SLC24A2: variants seen among roughly 807,000 people sequenced by gnomAD.
SLC24A2 encodes solute carrier family 24 member 2.
A neutral mutation model predicts 62.0 loss-of-function variants in SLC24A2; 36 were observed. The ratio of observed to expected loss-of-function variants is 0.58; its 90% CI spans 0.44 to 0.77. The LOEUF (loss-of-function observed/expected upper bound fraction) is 0.77, where lower values mean the gene tolerates loss of function less well. Among genes scored for constraint, SLC24A2 ranks in the 30% least tolerant of loss-of-function variants. The pLI, the probability that SLC24A2 is intolerant of heterozygous loss-of-function variation, is 0.00. For synonymous variants in SLC24A2, 358 were observed against 294.0 expected (o/e 1.22, Z -2.23); for missense variants, 846 against 817.9 (o/e 1.03, Z -0.42).
chr9:19,904,801 G>A, the SLC24A2 span, among the ~76,000 whole-genome samples: 1 of 152,134 alleles, frequency 6.6e-6, no homozygotes, highest in African/African-American at 2.4e-5. Flanking sequence ...TTGCACAGTA[G>A]GAGATGCAGC....
At chr9:20,007,879 CTTTTTTTTTTTTTTTTTTTT>C in the SLC24A2 span, among the ~76,000 whole-genome samples, 14 of 39,540 alleles carry the variant, frequency 3.5e-4, no homozygotes, top group East Asian at 7.4e-4. Flanking sequence ...TTACTCCTCT[CTTTTTTTTTTTTTTTTTTTT>C]TTTTTTTTTT....
intron 8 of SLC24A2, among the ~76,000 whole-genome samples, chr9:19,530,964 C>G (rs2132669338): frequency 6.6e-6 from 1 of 152,090 alleles, no homozygotes; most frequent in East Asian, 1.9e-4. Context: ...AAAAACAGGG[C>G]CAATAATGCT....
chr9:19,962,696 T>C, the SLC24A2 span, among the ~76,000 whole-genome samples: 1 of 152,242 alleles, frequency 6.6e-6, no homozygotes, highest in Non-Finnish European at 1.5e-5. Context: ...TTGTGATTTT[T>C]GTACATTGAT....
chr9:19,559,622 G>A (rs1835291462), intron 7 of SLC24A2, among the ~76,000 whole-genome samples: 2 of 152,134 alleles, frequency 1.3e-5, no homozygotes, highest in African/African-American at 4.8e-5. Flanking sequence ...TTGAAACAGG[G>A]AAACGCTCTG....
the SLC24A2 span, among the ~76,000 whole-genome samples, chr9:19,991,444 C>G: frequency 6.6e-6 from 1 of 152,174 alleles, no homozygotes; most frequent in Non-Finnish European, 1.5e-5. Flanking sequence ...CTGCCTCTCC[C>G]AGTCCACTGA....
chr9:19,834,111 C>A, the SLC24A2 span, among the ~76,000 whole-genome samples: 21 of 152,060 alleles, frequency 1.4e-4, no homozygotes, highest in African/African-American at 4.8e-4. Context: ...GTAGATAAAA[C>A]CACAAAGATA....
At chr9:19,967,590 A>G in the SLC24A2 span, 4 of 152,236 alleles carry the variant, frequency 2.6e-5, no homozygotes, top group African/African-American at 9.7e-5. Context: ...CCAGTTCTTT[A>G]TATCAAGCCC....
At chr9:19,906,641 G>A in the SLC24A2 span, among the ~76,000 whole-genome samples, 2 of 152,048 alleles carry the variant, frequency 1.3e-5, no homozygotes, top group South Asian at 2.1e-4. Context: ...AATGATAAAG[G>A]GGATATCACC....
At chr9:20,219,990 C>T in the SLC24A2 span, among the ~76,000 whole-genome samples, 75 of 152,198 alleles carry the variant, frequency 4.9e-4, no homozygotes, top group Admixed American at 9.2e-4. Flanking sequence ...AATGAGGTGG[C>T]TTCTATGCTT....
chr9:20,097,187 G>A, the SLC24A2 span, among the ~76,000 whole-genome samples: 7 of 152,110 alleles, frequency 4.6e-5, no homozygotes, highest in African/African-American at 1.7e-4. Flanking sequence ...CCTGCCTCTT[G>A]CCCAGTTCAT....
intron 7 of SLC24A2, among the ~76,000 whole-genome samples, chr9:19,566,854 G>C (rs149356727): frequency 4.0e-5 from 6 of 151,332 alleles, no homozygotes; most frequent in African/African-American, 9.7e-5. Context: ...GCAAACTATC[G>C]CAAGAACAAA....
the SLC24A2 span, among the ~76,000 whole-genome samples, chr9:19,818,958 C>G: frequency 5.9e-5 from 9 of 152,058 alleles, no homozygotes; most frequent in East Asian, 9.6e-4. Context: ...TAGTATAAGG[C>G]CATAGTCACC....
At chr9:19,942,588 G>A in the SLC24A2 span, among the ~76,000 whole-genome samples, 1 of 152,342 alleles carries the variant, frequency 6.6e-6, no homozygotes, top group Non-Finnish European at 1.5e-5. Flanking sequence ...TGGTGAAACA[G>A]CGCATCGCAT....
intron 5 of SLC24A2, among the ~76,000 whole-genome samples, chr9:19,581,770 G>A (rs941606491): frequency 6.6e-6 from 1 of 152,240 alleles, no homozygotes; most frequent in African/African-American, 2.4e-5. Context: ...GGGTGGCATA[G>A]AGGAACGAAT....
the SLC24A2 span, among the ~76,000 whole-genome samples, chr9:19,871,827 C>G: frequency 3.7e-4 from 57 of 152,262 alleles, no homozygotes; most frequent in Admixed American, 8.5e-4. Flanking sequence ...AAGTTACATT[C>G]TATTGTAAGC....
chr9:19,921,611 T>C, the SLC24A2 span, among the ~76,000 whole-genome samples: 1 of 152,150 alleles, frequency 6.6e-6, no homozygotes, highest in African/African-American at 2.4e-5. Flanking sequence ...ATAAACCTCA[T>C]TTTTCATGCA....
the SLC24A2 span, among the ~76,000 whole-genome samples, chr9:20,238,575 A>T: frequency 6.6e-6 from 1 of 152,216 alleles, no homozygotes; most frequent in Non-Finnish European, 1.5e-5. Context: ...CCTGGGGAGC[A>T]GGTGTACCCC....
At chr9:19,568,478 G>A (rs1170233757) in intron 7 of SLC24A2, among the ~76,000 whole-genome samples, 3 of 152,212 alleles carry the variant, frequency 2.0e-5, no homozygotes, top group African/African-American at 4.8e-5. Flanking sequence ...ACTCAGTACT[G>A]CTAATAATAG....
At chr9:19,626,276 C>T (rs1409876584) in intron 2 of SLC24A2, among the ~76,000 whole-genome samples, 1 of 152,246 alleles carries the variant, frequency 6.6e-6, no homozygotes, top group Non-Finnish European at 1.5e-5. Context: ...GCCAATACTG[C>T]AGTCCAGCTG....
Sources: allele counts gnomAD v4.1 joint callset (sites outside exome capture counted in the v4.1 genomes callset), GRCh38; gene constraint gnomAD v4.1.1; transcripts MANE v1.5; gene names NCBI Gene and HGNC (gene_info 2026-07-23, HGNC 2026-07-21).